The following SLC24A2 variants were observed in gnomAD, a reference collection of about 807,000 sequenced individuals.
The protein encoded by SLC24A2 is solute carrier family 24 member 2.
SLC24A2 carries 36 observed loss-of-function variants against 62.0 expected under a neutral mutation model. The observed-to-expected ratio is 0.58, with a 90% CI of 0.44 to 0.77. The LOEUF is 0.77. Among genes scored for constraint, SLC24A2 ranks in the 30% least tolerant of loss-of-function variants. The pLI, the probability that SLC24A2 is intolerant of heterozygous loss-of-function variation, is 0.00. For missense variants in SLC24A2, 846 were observed against 817.9 expected (o/e 1.03, Z -0.42); for synonymous variants, 358 against 294.0 (o/e 1.22, Z -2.23).
chr9:19,707,187 C>T (rs1220807523), intron 2 of SLC24A2, among the ~76,000 whole-genome samples: 13 of 151,582 alleles, frequency 8.6e-5, no homozygotes, highest in East Asian at 1.9e-4. Flanking sequence ...ACACATACAC[C>T]CTCCCAAGAC....
At chr9:20,225,879 TC>T in the SLC24A2 span, among the ~76,000 whole-genome samples, 1 of 151,816 alleles carries the variant, frequency 6.6e-6, no homozygotes, top group Non-Finnish European at 1.5e-5. Context: ...TTGTTTACTC[TC>T]CCAAATCCTT....
At chr9:20,236,551 T>C in the SLC24A2 span, among the ~76,000 whole-genome samples, 5 of 152,208 alleles carry the variant, frequency 3.3e-5, no homozygotes, top group African/African-American at 1.2e-4. Flanking sequence ...TCTATTTATC[T>C]TGTCCATGTT....
chr9:19,782,229 G>A (rs560045910), intron 2 of SLC24A2, among the ~76,000 whole-genome samples: 81 of 152,280 alleles, frequency 5.3e-4, no homozygotes, highest in African/African-American at 1.9e-3. Context: ...GCCAGGCTAG[G>A]AGCATAGCAA....
the SLC24A2 span, among the ~76,000 whole-genome samples, chr9:19,964,592 G>T: frequency 0.046 from 6,984 of 152,244 alleles, 194 homozygotes; most frequent in African/African-American, 0.069. Context: ...AGGTATGATG[G>T]CTTTGCCATA....
chr9:19,530,994 T>TA (rs1833681437), intron 8 of SLC24A2, among the ~76,000 whole-genome samples: 1 of 152,066 alleles, frequency 6.6e-6, no homozygotes, highest in African/African-American at 2.4e-5. Context: ...CCCCGCCATA[T>TA]ACATAATGAT....
chr9:19,709,393 T>C (rs1197288723), intron 2 of SLC24A2, among the ~76,000 whole-genome samples: 1 of 152,186 alleles, frequency 6.6e-6, no homozygotes, highest in African/African-American at 2.4e-5. Context: ...GACCCAGCCA[T>C]CCCATTACTG....
the SLC24A2 span, among the ~76,000 whole-genome samples, chr9:20,000,160 T>G: frequency 6.6e-6 from 1 of 152,248 alleles, no homozygotes; most frequent in African/African-American, 2.4e-5. Flanking sequence ...TTAAAAGATT[T>G]TAAACTAGTA....
At chr9:20,054,396 T>A in the SLC24A2 span, among the ~76,000 whole-genome samples, 129 of 152,246 alleles carry the variant, frequency 8.5e-4, no homozygotes, top group South Asian at 1.9e-3. Context: ...TTCACCATGT[T>A]GGCCAGGCTG....
chr9:19,992,443 A>C, the SLC24A2 span, among the ~76,000 whole-genome samples: 1 of 152,244 alleles, frequency 6.6e-6, no homozygotes, highest in East Asian at 1.9e-4. Flanking sequence ...ATGAGAACTA[A>C]AATATATCTA....
the SLC24A2 span, among the ~76,000 whole-genome samples, chr9:19,984,657 G>C: frequency 6.6e-6 from 1 of 151,538 alleles, no homozygotes; most frequent in African/African-American, 2.5e-5. Context: ...AGTGAGCTGA[G>C]ATCATGCCAC....
rs1204639054 is a variant in SLC24A2, at chr9:19,512,165, A to C, written c.*3988T>G. The C allele has an allele frequency of 6.6e-6, 1 of 151,892 alleles. No individual in the cohort carries two copies. The highest frequency in any genetic ancestry group is 1.5e-5 in the Non-Finnish European group (1 of 67,984). 9.4% of individuals were successfully genotyped at this position (151,892 alleles called of 1,614,324 possible). A position where few individuals can be genotyped will look rare whatever the true frequency, so the allele number is the denominator to read the frequency against. ...ATGTGCAGTGGTGGGGAGTTTGCCA[A>C]CTCTCTCCCTGCCCAGGAATGGATG... On this transcript the variant is annotated 3_prime_UTR_variant, in exon 11 of 11. Transcript: ENST00000341998.
the SLC24A2 span, among the ~76,000 whole-genome samples, chr9:20,013,845 C>T: frequency 1.3e-5 from 2 of 152,112 alleles, no homozygotes; most frequent in Non-Finnish European, 2.9e-5. Flanking sequence ...TATCGCTAAT[C>T]ATAAGGGAAT....
chr9:20,008,480 G>C, the SLC24A2 span, among the ~76,000 whole-genome samples: 1 of 151,990 alleles, frequency 6.6e-6, no homozygotes, highest in Admixed American at 6.5e-5. Context: ...ATCTACATTT[G>C]TCTCCCACCA....
chr9:19,836,880 A>G, the SLC24A2 span, among the ~76,000 whole-genome samples: 8 of 152,214 alleles, frequency 5.3e-5, no homozygotes, highest in East Asian at 3.8e-4. Context: ...CTTATCCACC[A>G]TGATCAAGTG....
At chr9:19,588,006 T>C (rs534177598) in intron 5 of SLC24A2, among the ~76,000 whole-genome samples, 18 of 152,270 alleles carry the variant, frequency 1.2e-4, no homozygotes, top group African/African-American at 4.3e-4. Context: ...ACATAGCTGG[T>C]TTGGTCTTTC....
rs761238358 is a variant in SLC24A2 at position 19,576,912 on chromosome 9, C to T, written c.1228+12G>A. 1.3e-6 allele frequency: 2 copies of T among 1,596,504 alleles called. No homozygotes were observed. The highest frequency in any genetic ancestry group is 1.1e-5 in the South Asian group (1 of 90,728). On this transcript the variant is annotated intron_variant, in intron 6 of 10. Transcript: ENST00000341998. The stretch of plus-strand genomic sequence containing the variant: ...CAGGAAAGGTATGGGGTGGATGTTT[C>T]CCTGCACTCACCCACGTGGTTGGCA...
the SLC24A2 span, among the ~76,000 whole-genome samples, chr9:19,796,607 C>G: frequency 5.3e-5 from 8 of 152,234 alleles, no homozygotes; most frequent in Non-Finnish European, 8.8e-5. Flanking sequence ...TTATCCCACT[C>G]CCATACTCTA....
At chr9:19,833,134 C>T in the SLC24A2 span, among the ~76,000 whole-genome samples, 1 of 152,150 alleles carries the variant, frequency 6.6e-6, no homozygotes, top group Non-Finnish European at 1.5e-5. Context: ...CTCCAGTCTA[C>T]AGCTCCCAGC....
the SLC24A2 span, among the ~76,000 whole-genome samples, chr9:20,211,614 C>G: frequency 6.6e-6 from 1 of 152,056 alleles, no homozygotes; most frequent in Non-Finnish European, 1.5e-5. Context: ...AGTAATTGTA[C>G]TAAATATGGT....
Sources: gnomAD v4.1 joint callset for allele counts (sites outside exome capture counted in the v4.1 genomes callset) on GRCh38, gnomAD v4.1.1 for gene constraint, MANE v1.5 for transcripts, NCBI Gene and HGNC (gene_info 2026-07-23, HGNC 2026-07-21) for gene names.